PRDM1: variants seen among roughly 807,000 people sequenced by gnomAD.
The protein encoded by PRDM1 is PR/SET domain 1, also known as PR domain zinc finger protein 1.
Under a neutral mutation model 62.8 loss-of-function variants are expected in PRDM1, and 13 were observed. The observed-to-expected ratio is 0.21, with a 90% CI of 0.13 to 0.33. PRDM1 has a LOEUF of 0.33. Among genes scored for constraint, PRDM1 ranks in the 10% least tolerant of loss-of-function variants. PRDM1 has a pLI of 1.00. For missense variants in PRDM1, 895 were observed against 1,058.8 expected (o/e 0.85, Z 2.15); for synonymous variants, 396 against 417.6 (o/e 0.95, Z 0.63).
intron 4 of PRDM1, among the ~76,000 whole-genome samples, chr6:106,102,814 T>G (rs1048818268): frequency 8.5e-5 from 13 of 152,344 alleles, no homozygotes; most frequent in South Asian, 4.1e-4. Flanking sequence ...TAAAGTTTTT[T>G]GTATTTCCAT....
chr6:106,088,576 T>G, intron 2 of PRDM1, 127 bp downstream of exon 2: 1 of 1,006,052 alleles, frequency 9.9e-7, no homozygotes, highest in Non-Finnish European at 1.4e-6. Context: ...AATTGATTGC[T>G]CTATTCAATT....
rs765932255 is a variant in PRDM1, at chr6:106,088,297, A to G, written c.139A>G (p.Thr47Ala). 3 of 1,614,006 alleles carry G rather than the reference A, an allele frequency of 1.9e-6. No homozygotes were observed. The highest frequency in any genetic ancestry group is 2.5e-6 in the Non-Finnish European group (3 of 1,179,994). The change falls in exon 2 of 7, where the codon ACT becomes GCT. Residue 47 changes from threonine (T) to alanine (A), a missense_variant. Transcript: ENST00000369096. ...MKMDMEDADM[T>A]LWTEAEFEEK... is the part of the protein sequence containing the mutation. ...AATGGACATGGAGGATGCGGATATGACTCTGTGGACAGAGGCTGAGTTTGA... is the reference window on the plus strand; with the variant it reads ...AATGGACATGGAGGATGCGGATATGGCTCTGTGGACAGAGGCTGAGTTTGA...
At chr6:105,999,729 T>C (rs925643989) in intron 1 of PRDM1, among the ~76,000 whole-genome samples, 3 of 152,236 alleles carry the variant, frequency 2.0e-5, no homozygotes, top group African/African-American at 7.2e-5. Context: ...CCTCAATTTC[T>C]TTATGGGTTA....
At chr6:106,066,976 A>T (rs1027089718) in intron 1 of PRDM1, among the ~76,000 whole-genome samples, 1 of 152,206 alleles carries the variant, frequency 6.6e-6, no homozygotes, top group Non-Finnish European at 1.5e-5. Context: ...AGTCTTCACA[A>T]TCTCCCAGTG....
At chr6:106,039,496 G>T (rs918580147) in intron 1 of PRDM1, among the ~76,000 whole-genome samples, 1 of 151,958 alleles carries the variant, frequency 6.6e-6, no homozygotes, top group Admixed American at 6.6e-5. Context: ...TACTATTTTG[G>T]TTACTCATAA....
At chr6:106,004,502 A>G (rs1378811371) in intron 1 of PRDM1, among the ~76,000 whole-genome samples, 1 of 152,234 alleles carries the variant, frequency 6.6e-6, no homozygotes, top group African/African-American at 2.4e-5. Flanking sequence ...GCAAATATTT[A>G]CAGGCTGAAA....
intron 1 of PRDM1, among the ~76,000 whole-genome samples, chr6:106,041,181 A>G (rs768568171): frequency 2.6e-5 from 4 of 152,058 alleles, no homozygotes; most frequent in Admixed American, 6.6e-5. Flanking sequence ...TGGCATTACT[A>G]TTAATATTAC....
chr6:106,009,458 A>G (rs1293460864), intron 1 of PRDM1, among the ~76,000 whole-genome samples: 1 of 152,190 alleles, frequency 6.6e-6, no homozygotes, highest in African/African-American at 2.4e-5. Context: ...AATTCCCCCC[A>G]GGATTATATT....
At chr6:106,048,465 C>T (rs1039247353), upstream of PRDM1, among the ~76,000 whole-genome samples, 8 of 152,136 alleles carry the variant, frequency 5.3e-5, no homozygotes, top group African/African-American at 1.4e-4. Context: ...GAACTGACCA[C>T]GCTGCATTAT....
intron 1 of PRDM1, among the ~76,000 whole-genome samples, chr6:106,039,490 A>G (rs981374663): frequency 6.6e-6 from 1 of 152,314 alleles, no homozygotes; most frequent in Admixed American, 6.5e-5. Context: ...TATAGCTACT[A>G]TTTTGGTTAC....
At chr6:106,101,952 CCCAAATTTGGCAGGG>C in intron 4 of PRDM1, among the ~76,000 whole-genome samples, 1 of 152,340 alleles carries the variant, frequency 6.6e-6, no homozygotes, top group Admixed American at 6.5e-5. Flanking sequence ...CCCTACCCCT[CCCAAATTTGGCAGGG>C]GGGGAGGTAT....
chr6:106,074,916 G>T (rs1486709032), intron 1 of PRDM1, among the ~76,000 whole-genome samples: 2 of 152,238 alleles, frequency 1.3e-5, no homozygotes, highest in African/African-American at 4.8e-5. Flanking sequence ...AGAGATTGCA[G>T]TGATCCGAGG....
rs771469494 is a variant in PRDM1, at chr6:106,086,621, TA to T, written c.42+28del. 8.5e-6 allele frequency: 13 copies of T among 1,529,546 alleles called. No homozygotes were observed. In the African/African-American group the frequency reaches 1.4e-4, roughly 16 times the overall value. 94.7% of individuals were successfully genotyped at this position (1,529,546 alleles called of 1,614,324 possible). On this transcript the variant is annotated intron_variant, in intron 1 of 6. Transcript: ENST00000369096. ...GTAAGGAACTTGAATTTTTTTTTTT[TA>T]ATTCTGAAATTGATCTGAAAACTTT...
chr6:106,080,810 G>A (rs533394870), intron 1 of PRDM1, among the ~76,000 whole-genome samples: 7 of 152,300 alleles, frequency 4.6e-5, no homozygotes, highest in African/African-American at 1.2e-4. Context: ...GCACCAAACC[G>A]CTCCTTCCCT....
chr6:106,012,920 T>C (rs1772575210), intron 1 of PRDM1, among the ~76,000 whole-genome samples: 1 of 152,202 alleles, frequency 6.6e-6, no homozygotes, highest in Admixed American at 6.5e-5. Flanking sequence ...GCATATCCTT[T>C]TGTGTGTGTG....
intron 1 of PRDM1, among the ~76,000 whole-genome samples, chr6:106,015,722 T>G (rs1426985435): frequency 1.3e-5 from 2 of 152,186 alleles, no homozygotes; most frequent in African/African-American, 2.4e-5. Flanking sequence ...AAACAAACAT[T>G]CTTAAATCCC....
intron 1 of PRDM1, among the ~76,000 whole-genome samples, chr6:106,025,632 G>T (rs1467559802): frequency 6.6e-6 from 1 of 152,072 alleles, no homozygotes; most frequent in African/African-American, 2.4e-5. Context: ...AGTGAGAGGA[G>T]GGATATATGC....
Position 106,011,376 on chromosome 6 carries a change from G to C in PRDM1, c.-67+17737G>C, listed in dbSNP as rs536146775. Among the ~76,000 whole-genome samples the C allele has an allele frequency of 1.8e-3, 271 of 152,252 alleles. 2 individuals are homozygous for C. Among genetic ancestry groups the C allele is most frequent in the African/African-American group, 6.3e-3 (263 of 41,528 alleles). ...TAAACTTATTATAAAAAGGCACTTA[G>C]GTCCTTTTGTTTAGTAAGACTTGAA... On this transcript the variant is annotated intron_variant, in intron 1 of 6. Transcript: ENST00000652320.
intron 1 of PRDM1, among the ~76,000 whole-genome samples, chr6:105,998,938 T>A (rs1173287853): frequency 1.9e-5 from 1 of 53,298 alleles, no homozygotes; most frequent in African/African-American, 1.0e-4. Context: ...TATATATTTT[T>A]TTTTTTTTTT....
Sources: allele counts gnomAD v4.1 joint callset (sites outside exome capture counted in the v4.1 genomes callset), GRCh38; gene constraint gnomAD v4.1.1; transcripts MANE v1.5; gene names NCBI Gene and HGNC (gene_info 2026-07-23, HGNC 2026-07-21).